The following AGBL4 variants were observed in gnomAD, a reference collection of about 807,000 sequenced individuals.
AGBL4 encodes AGBL carboxypeptidase 4.
Under a neutral mutation model 66.4 loss-of-function variants are expected in AGBL4, and 58 were observed. The ratio of observed to expected loss-of-function variants is 0.87; its 90% CI spans 0.71 to 1.09. The LOEUF (loss-of-function observed/expected upper bound fraction) is 1.09, where lower values mean the gene tolerates loss of function less well. AGBL4 is among the 50% of genes least tolerant of loss of function. The pLI is 0.00. For synonymous variants in AGBL4, 234 were observed against 222.9 expected (o/e 1.05, Z -0.44); for missense variants, 579 against 631.0 (o/e 0.92, Z 0.88).
intron 4 of AGBL4, among the ~76,000 whole-genome samples, chr1:49,101,198 T>A (rs1269463737): frequency 1.3e-5 from 2 of 152,048 alleles, no homozygotes; most frequent in Non-Finnish European, 2.9e-5. Context: ...CTTTTTTTTT[T>A]TTTAATTGAG....
intron 1 of AGBL4, among the ~76,000 whole-genome samples, chr1:49,877,298 T>C (rs1198089463): frequency 1.3e-5 from 2 of 151,392 alleles, no homozygotes; most frequent in African/African-American, 2.4e-5. Context: ...TGTGGGTTTG[T>C]CATAGATAGC....
chr1:48,689,973 C>T (rs1646602980), intron 6 of AGBL4, among the ~76,000 whole-genome samples: 1 of 152,214 alleles, frequency 6.6e-6, no homozygotes, highest in Admixed American at 6.5e-5. Context: ...GCCTCTGAGC[C>T]AACCCTCCTT....
At chr1:49,741,363 T>A (rs1253620066) in intron 2 of AGBL4, among the ~76,000 whole-genome samples, 3 of 152,144 alleles carry the variant, frequency 2.0e-5, no homozygotes, top group Non-Finnish European at 4.4e-5. Flanking sequence ...AGAAGTTGAA[T>A]CTCTGAATAG....
chr1:48,575,710 C>G (rs1644642745), intron 11 of AGBL4, among the ~76,000 whole-genome samples: 1 of 152,190 alleles, frequency 6.6e-6, no homozygotes, highest in Admixed American at 6.5e-5. Flanking sequence ...TGCTTCCTTC[C>G]TGCACCTCCT....
intron 5 of AGBL4, among the ~76,000 whole-genome samples, chr1:48,918,949 A>G (rs561608103): frequency 6.6e-5 from 10 of 152,324 alleles, no homozygotes; most frequent in South Asian, 4.1e-4. Flanking sequence ...CTGAATATTC[A>G]GATCTCTGAA....
intron 3 of AGBL4, among the ~76,000 whole-genome samples, chr1:49,304,282 T>C (rs1376434710): frequency 6.6e-6 from 1 of 152,208 alleles, no homozygotes; most frequent in Non-Finnish European, 1.5e-5. Flanking sequence ...TGGTTGCAGA[T>C]GTGCAGTCTT....
intron 11 of AGBL4, among the ~76,000 whole-genome samples, chr1:48,551,473 A>G (rs1429694686): frequency 6.6e-6 from 1 of 152,162 alleles, no homozygotes; most frequent in Non-Finnish European, 1.5e-5. Flanking sequence ...ACAAAGTATG[A>G]GCTCTTCAAG....
At chr1:48,902,577 C>T (rs1652192240) in intron 5 of AGBL4, among the ~76,000 whole-genome samples, 1 of 152,074 alleles carries the variant, frequency 6.6e-6, no homozygotes, top group Non-Finnish European at 1.5e-5. Context: ...GATTTTTGGA[C>T]TGCCTACTCT....
chr1:49,685,404 T>C (rs143774509), intron 3 of AGBL4, among the ~76,000 whole-genome samples: 17 of 152,300 alleles, frequency 1.1e-4, no homozygotes, highest in African/African-American at 3.6e-4. Context: ...TTATATTCCT[T>C]TGGGTATGTA....
intron 3 of AGBL4, among the ~76,000 whole-genome samples, chr1:49,666,757 A>G (rs1162734334): frequency 6.6e-6 from 1 of 152,098 alleles, no homozygotes; most frequent in East Asian, 1.9e-4. Flanking sequence ...ATTATTTAAT[A>G]CTCACAAGAA....
At chr1:49,438,306 C>T (rs1570716758) in intron 3 of AGBL4, among the ~76,000 whole-genome samples, 2 of 152,268 alleles carry the variant, frequency 1.3e-5, no homozygotes, top group South Asian at 4.2e-4. Context: ...AAATTAGGCT[C>T]ACTTCCCTGA....
At chr1:49,813,586 A>C (rs1243198195) in intron 2 of AGBL4, among the ~76,000 whole-genome samples, 2 of 152,178 alleles carry the variant, frequency 1.3e-5, no homozygotes, top group Non-Finnish European at 2.9e-5. Context: ...TCACTTATGT[A>C]ATCAGTAAGT....
intron 1 of AGBL4, among the ~76,000 whole-genome samples, chr1:49,882,965 A>T (rs1278107072): frequency 6.6e-6 from 1 of 152,126 alleles, no homozygotes; most frequent in Non-Finnish European, 1.5e-5. Context: ...TCCTATTCAT[A>T]AATATGTGAG....
intron 2 of AGBL4, among the ~76,000 whole-genome samples, chr1:49,798,484 A>G (rs1053614308): frequency 1.5e-4 from 23 of 152,212 alleles, no homozygotes; most frequent in Non-Finnish European, 3.2e-4. Context: ...AATAAAGTTT[A>G]AAATCTTCAG....
intron 4 of AGBL4, among the ~76,000 whole-genome samples, chr1:49,099,783 G>C (rs193093944): frequency 1.6e-3 from 242 of 152,246 alleles, no homozygotes; most frequent in Admixed American, 3.9e-3. Flanking sequence ...AAGAAGAAGA[G>C]AGGCTGTTAG....
intron 4 of AGBL4, among the ~76,000 whole-genome samples, chr1:49,181,609 A>G (rs1463449981): frequency 6.6e-6 from 1 of 152,244 alleles, no homozygotes; most frequent in African/African-American, 2.4e-5. Flanking sequence ...CATTTAAAGC[A>G]GCACTCAAGA....
At chr1:48,554,971 G>C (rs531684825) in intron 11 of AGBL4, among the ~76,000 whole-genome samples, 1 of 152,250 alleles carries the variant, frequency 6.6e-6, no homozygotes, top group South Asian at 2.1e-4. Context: ...GTAAGGTACT[G>C]TGCCAGACGC....
intron 3 of AGBL4, among the ~76,000 whole-genome samples, chr1:49,614,133 G>A (rs1173036908): frequency 6.6e-6 from 1 of 151,930 alleles, no homozygotes. Flanking sequence ...ATTTTTTAAA[G>A]AAACCCAGCA....
At chr1:49,547,621 C>G (rs2148832364) in intron 3 of AGBL4, among the ~76,000 whole-genome samples, 1 of 152,278 alleles carries the variant, frequency 6.6e-6, no homozygotes. Flanking sequence ...AATATTGATT[C>G]TACCCATCCT....
Sources: gnomAD v4.1 joint callset for allele counts (sites outside exome capture counted in the v4.1 genomes callset) on GRCh38, gnomAD v4.1.1 for gene constraint, MANE v1.5 for transcripts, NCBI Gene and HGNC (gene_info 2026-07-23, HGNC 2026-07-21) for gene names.